The following PPFIA4 variants were observed in gnomAD, a reference collection of about 807,000 sequenced individuals.
PPFIA4 encodes liprin-alpha-4.
A neutral mutation model predicts 145.7 loss-of-function variants in PPFIA4; 98 were observed. That is an observed-to-expected ratio of 0.67 (90% CI 0.57 to 0.80). The LOEUF is 0.80. Among genes scored for constraint, PPFIA4 ranks in the 30% least tolerant of loss-of-function variants. The probability of loss-of-function intolerance (pLI) is 0.00; values close to 1 mark genes in which losing one functional copy is unlikely to be tolerated. For synonymous variants in PPFIA4, 628 were observed against 649.6 expected (o/e 0.97, Z 0.51); for missense variants, 1,457 against 1,632.7 (o/e 0.89, Z 1.85).
At chr1:203,046,825 C>T (rs1197206329) in intron 9 of PPFIA4, among the ~76,000 whole-genome samples, 1 of 152,092 alleles carries the variant, frequency 6.6e-6, no homozygotes, top group Non-Finnish European at 1.5e-5. Context: ...AGGTTGAGTA[C>T]ATCTTTGATT....
At chr1:203,032,281 C>T (rs1444598899) in intron 1 of PPFIA4, among the ~76,000 whole-genome samples, 1 of 151,998 alleles carries the variant, frequency 6.6e-6, no homozygotes, top group Non-Finnish European at 1.5e-5. Flanking sequence ...TTGGACTGCC[C>T]CTAAAGGTAC....
chr1:203,064,187 G>A (rs1346005863), intron 25 of PPFIA4, among the ~76,000 whole-genome samples, 184 bp downstream of exon 25: 1 of 152,206 alleles, frequency 6.6e-6, no homozygotes, highest in Non-Finnish European at 1.5e-5. Flanking sequence ...TTGAGGATTC[G>A]ATCCTCAGAT....
At chr1:203,041,919 C>T (rs1659721989) in intron 2 of PPFIA4, among the ~76,000 whole-genome samples, 1 of 152,180 alleles carries the variant, frequency 6.6e-6, no homozygotes, top group African/African-American at 2.4e-5. Flanking sequence ...TTGACCTTGA[C>T]CACCTTTGGC....
At position 203,071,757 on chromosome 1, in the gene PPFIA4, T is replaced by A. The variant is rs1365712839; in HGVS notation, c.3390T>A (p.Asp1130Glu). The part of the protein sequence containing the change: ...LLALGTDRKL[D>E]DGDDKVFRRA... ...CCTTGGGCACAGACCGGAAGCTGGA[T>A]GACGTGAGTACCTGGCCATGAATTA... Residue 1130 changes from aspartate (D) to glutamate (E), a missense_variant, in exon 28 of 30, where the codon GAT becomes GAA. By Grantham distance (45) the Asp-to-Glu change is conservative. Around this residue, in one of 3 missense-constraint regions of PPFIA4, gnomAD observed 146 missense variants for 126.2 expected, o/e 1.16. Transcript: ENST00000295706. The A allele has an allele frequency of 1.2e-6, 2 of 1,610,680 alleles. No individual in the cohort carries two copies. The highest frequency in any genetic ancestry group is 3.3e-5 in the Admixed American group (2 of 59,884).
chr1:203,068,701 A>C lies in PPFIA4; in HGVS notation c.3324+73A>C. On this transcript the variant is annotated intron_variant, in intron 27 of 29. Transcript: ENST00000295706. This position sits in a 1 kb window ranked among gnomAD's most constrained non-coding sequence, Gnocchi z 4.7. ...CACTTGCTCTCTTTCTTTCCCTCAT[A>C]CACAAAGGCTTAGGTATCTTGGGGG... The C allele has an allele frequency of 1.5e-6, 2 of 1,363,852 alleles. No individual in the cohort carries two copies. The highest frequency in any genetic ancestry group is 1.9e-6 in the Non-Finnish European group (2 of 1,040,590). The allele number at this position is 1,363,852 out of a possible 1,614,324, so 84.5% of individuals were successfully genotyped here. A position where few individuals can be genotyped will look rare whatever the true frequency, so the allele number is the denominator to read the frequency against.
Position 203,055,702 on chromosome 1 carries a change from A to G in PPFIA4, c.2070+30A>G. 6.2e-7 allele frequency: 1 copy of G among 1,610,392 alleles called. No homozygotes were observed. Among genetic ancestry groups the G allele is most frequent in the Non-Finnish European group, 8.5e-7 (1 of 1,177,146 alleles). The stretch of plus-strand genomic sequence containing the variant: ...GAGGCAGCTGAGGAGCAGGCCTGGC[A>G]TCACTGGACCCTGCACCGGGGGAGG... On this transcript the variant is annotated intron_variant, in intron 16 of 29. Coordinates refer to ENST00000295706, the MANE Select transcript of PPFIA4 (RefSeq NM_001304331.2). This position sits in a 1 kb window ranked among gnomAD's most constrained non-coding sequence, Gnocchi z 4.8.
In PPFIA4 at chr1:203,045,940, G is replaced by A. The variant is rs758741937; in HGVS notation, c.958G>A (p.Asp320Asn). 1 of 1,612,846 alleles carries A rather than the reference G, an allele frequency of 6.2e-7. No homozygotes were observed. The highest frequency in any genetic ancestry group is 1.7e-5 in the Admixed American group (1 of 60,012). ...GGCAACATCCATCCATGACCTCAAT[G>A]ACAAGCTGGAGAATGAGCTGGCCAA... ...REATSIHDLN[D>N]KLENELANKE... Residue 320 changes from aspartate (D) to asparagine (N), a missense_variant, in exon 8 of 30, where the codon GAC becomes AAC. This residue lies in a region of PPFIA4 where 463 missense variants were observed against 459.8 expected (regional missense o/e 1.01). Coordinates refer to ENST00000295706, the MANE Select transcript of PPFIA4 (RefSeq NM_001304331.2).
intron 28 of PPFIA4, 31 bp downstream of exon 28, chr1:203,071,791 G>A (rs1020295880): frequency 8.9e-6 from 14 of 1,572,292 alleles, no homozygotes; most frequent in Admixed American, 3.4e-5. Context: ...TAGGAGCCTT[G>A]GGGATTTGGT....
intron 12 of PPFIA4, 121 bp downstream of exon 12, chr1:203,049,101 C>A: frequency 2.2e-6 from 2 of 898,654 alleles, no homozygotes; most frequent in Non-Finnish European, 3.4e-6. Flanking sequence ...TGTTAGTGCA[C>A]TACATACATT....
chr1:203,060,063 G>A lies in PPFIA4; in HGVS notation c.2584-154G>A, dbSNP rs1661252768. Among the ~76,000 whole-genome samples, 1 of 152,182 alleles carries A rather than the reference G, an allele frequency of 6.6e-6. No homozygotes were observed. Among genetic ancestry groups the A allele is most frequent in the South Asian group, 2.1e-4 (1 of 4,816 alleles). On this transcript the variant is annotated intron_variant, in intron 21 of 29. Transcript: ENST00000295706. The surrounding 1 kb of genome is among the most constrained non-coding windows in gnomAD (Gnocchi z 4.8). ...GATGCTACTTTTAATCTGTAAAATG[G>A]GAGAGTGAGGGGTTTGATGACCGCC... is the stretch of plus-strand genomic sequence containing the variant.
chr1:203,044,810 A>T, intron 6 of PPFIA4, 25 bp downstream of exon 6: 1 of 1,549,540 alleles, frequency 6.5e-7, no homozygotes, highest in Non-Finnish European at 8.7e-7. Flanking sequence ...GCTGTGTAGC[A>T]GGGGTCATGT....
chr1:203,071,464 T>TA (rs1318005222), intron 27 of PPFIA4, among the ~76,000 whole-genome samples: 8 of 86,158 alleles, frequency 9.3e-5, no homozygotes, highest in Non-Finnish European at 4.9e-5. Flanking sequence ...AAAAAAAAAT[T>TA]ATGTTGTTCT....
rs1233283318 is a variant in PPFIA4, at chr1:203,068,346, C to T, written c.3149-107C>T. On this transcript the variant is annotated intron_variant, in intron 26 of 29. Coordinates refer to ENST00000295706, the MANE Select transcript of PPFIA4 (RefSeq NM_001304331.2). The surrounding 1 kb of genome is among the most constrained non-coding windows in gnomAD (Gnocchi z 4.7). The stretch of plus-strand genomic sequence containing the variant: ...TAGGGATGGAGTGGGGGTCAGAGAG[C>T]AGGGTGGACTGCGGCTCTGGGTTTA... 2.1e-6 allele frequency: 2 copies of T among 952,320 alleles called. No individual in the cohort carries two copies. Among genetic ancestry groups the T allele is most frequent in the Non-Finnish European group, 3.0e-6 (2 of 666,650 alleles). The allele number at this position is 952,320 out of a possible 1,614,324, so 59.0% of individuals were successfully genotyped here.
chr1:203,059,337 G>A (rs1041704380), intron 20 of PPFIA4, 66 bp downstream of exon 20: 2 of 1,343,774 alleles, frequency 1.5e-6, no homozygotes, highest in African/African-American at 1.5e-5. Flanking sequence ...CCTTCCCCTG[G>A]GCTGCTGTGA....
Position 203,056,172 on chromosome 1 carries a change from G to A in PPFIA4, c.2106+17G>A. On this transcript the variant is annotated intron_variant, in intron 17 of 29. Coordinates refer to ENST00000295706, the MANE Select transcript of PPFIA4 (RefSeq NM_001304331.2). ...AAGCTGCTGGTGAGTGCTGCCTGATGGCCCAGGTACTAACGGGTTCACTGC... is the reference window on the plus strand; with the variant it reads ...AAGCTGCTGGTGAGTGCTGCCTGATAGCCCAGGTACTAACGGGTTCACTGC... 2.5e-6 allele frequency: 4 copies of A among 1,613,860 alleles called. No individual in the cohort carries two copies. The highest frequency in any genetic ancestry group is 3.4e-6 in the Non-Finnish European group (4 of 1,179,846).
chr1:203,068,529 G>A lies in PPFIA4; in HGVS notation c.3225G>A (p.Leu1075=). The A allele has an allele frequency of 1.2e-6, 2 of 1,608,904 alleles. No individual in the cohort carries two copies. Among genetic ancestry groups the A allele is most frequent in the South Asian group, 1.1e-5 (1 of 90,110 alleles). Residue 1075 remains leucine (L), a synonymous_variant, in exon 27 of 30, where the codon CTG becomes CTA. Transcript: ENST00000295706. This position sits in a 1 kb window ranked among gnomAD's most constrained non-coding sequence, Gnocchi z 4.7. ...GGCTCCGGGACTACGCAGGAAACCT[G>A]CATGAGAGTGGTGTGCATGGAGCCT... ...SIGLRDYAGN[L]HESGVHGALL...
In PPFIA4 at chr1:203,075,446, C is replaced by T; in HGVS notation, c.3394-131C>T. 1 of 666,556 alleles carries T rather than the reference C, an allele frequency of 1.5e-6. No homozygotes were observed. Among genetic ancestry groups the T allele is most frequent in the Non-Finnish European group, 2.1e-6 (1 of 467,352 alleles). The allele number at this position is 666,556 out of a possible 1,614,324, so 41.3% of individuals were successfully genotyped here. On this transcript the variant is annotated intron_variant, in intron 28 of 29. Transcript: ENST00000295706. This position sits in a 1 kb window ranked among gnomAD's most constrained non-coding sequence, Gnocchi z 4.1. ...ACTCAAGGCTAGAAAGGGGAAGTGA[C>T]CTCGCTCCCTCTTTCCAAAGGGGTG...
chr1:203,075,624 C>G lies in PPFIA4; in HGVS notation c.3441C>G (p.Phe1147Leu). 1 of 1,484,236 alleles carries G rather than the reference C, an allele frequency of 6.7e-7. No homozygotes were observed. Among genetic ancestry groups the G allele is most frequent in the South Asian group, 1.4e-5 (1 of 74,030 alleles). 91.9% of individuals were successfully genotyped at this position (1,484,236 alleles called of 1,614,324 possible). A position where few individuals can be genotyped will look rare whatever the true frequency, so the allele number is the denominator to read the frequency against. ...GCGCGCCCTCCTGGAGGAAGCGCTT[C>G]CGGCCGCGGGAGCACCACGGTCGCG... is the stretch of plus-strand genomic sequence containing the variant. The part of the protein sequence containing the change: ...FRRAPSWRKR[F>L]RPREHHGRGG... The change falls in exon 29 of 30, where the codon TTC becomes TTG. Residue 1147 changes from phenylalanine (F) to leucine (L), a missense_variant. Around this residue, in one of 3 missense-constraint regions of PPFIA4, gnomAD observed 146 missense variants for 126.2 expected, o/e 1.16. Transcript: ENST00000295706. The surrounding 1 kb of genome is among the most constrained non-coding windows in gnomAD (Gnocchi z 4.1).
Position 203,045,479 on chromosome 1 carries a change from G to T in PPFIA4, c.778G>T (p.Glu260Ter). Reference sequence around the variant, plus strand: ...CCTAACAACAACCGTGACTGAACTCGAGGAGGACCTGGGCACGGCCCGCCG... The same window carrying T: ...CCTAACAACAACCGTGACTGAACTCTAGGAGGACCTGGGCACGGCCCGCCG... ...VTLTTTVTEL[E>*]EDLGTARRDL... The change falls in exon 7 of 30, where the codon GAG becomes TAG. Residue 260 changes from glutamate to a stop codon, truncating the protein, a stop_gained. Coordinates refer to ENST00000295706, the MANE Select transcript of PPFIA4 (RefSeq NM_001304331.2). LOFTEE classifies it high-confidence loss of function. 1 of 1,609,144 alleles carries T rather than the reference G, an allele frequency of 6.2e-7. No homozygotes were observed. Among genetic ancestry groups the T allele is most frequent in the Non-Finnish European group, 8.5e-7 (1 of 1,178,418 alleles).
Sources: allele counts gnomAD v4.1 joint callset (sites outside exome capture counted in the v4.1 genomes callset), GRCh38; gene constraint gnomAD v4.1.1; regional missense constraint gnomAD v4.1.1; non-coding constraint Gnocchi (gnomAD v3.1); transcripts MANE v1.5; gene names NCBI Gene and HGNC (gene_info 2026-07-23, HGNC 2026-07-21).